PCDH15: variants seen among roughly 807,000 people sequenced by gnomAD.
PCDH15 encodes the protein protocadherin related 15.
Under a neutral mutation model 178.5 loss-of-function variants are expected in PCDH15, and 129 were observed. The observed-to-expected ratio is 0.72, with a 90% CI of 0.63 to 0.84. PCDH15 has a LOEUF of 0.84. Among genes scored for constraint, PCDH15 ranks in the 40% least tolerant of loss-of-function variants. PCDH15 has a pLI of 0.00. For synonymous variants in PCDH15, 800 were observed against 732.0 expected (o/e 1.09, Z -1.50); for missense variants, 2,230 against 2,099.9 (o/e 1.06, Z -1.21).
intron 35 of PCDH15, among the ~76,000 whole-genome samples, chr10:53,813,825 G>A (rs915806589): frequency 2.6e-5 from 4 of 152,104 alleles, no homozygotes; most frequent in African/African-American, 9.7e-5. Flanking sequence ...ACTGACTAAA[G>A]AATATGTTAC....
At chr10:55,472,635 C>A (rs1336914546) in intron 2 of PCDH15, among the ~76,000 whole-genome samples, 9 of 152,208 alleles carry the variant, frequency 5.9e-5, no homozygotes, top group Non-Finnish European at 1.2e-4. Context: ...GTGGCGCGGT[C>A]TGCGCTAACT....
intron 16 of PCDH15, among the ~76,000 whole-genome samples, chr10:54,081,734 T>C (rs1428412423): frequency 6.6e-6 from 1 of 151,780 alleles, no homozygotes; most frequent in Non-Finnish European, 1.5e-5. Flanking sequence ...ACCTTATAAG[T>C]TCACATATTA....
At chr10:55,203,778 A>T (rs1300986433) in intron 1 of PCDH15, among the ~76,000 whole-genome samples, 1 of 152,128 alleles carries the variant, frequency 6.6e-6, no homozygotes, top group Non-Finnish European at 1.5e-5. Context: ...GCCTGGGATA[A>T]AGATGATTTC....
At chr10:55,140,260 T>C (rs1197411222) in intron 2 of PCDH15, among the ~76,000 whole-genome samples, 2 of 151,936 alleles carry the variant, frequency 1.3e-5, no homozygotes, top group Non-Finnish European at 2.9e-5. Flanking sequence ...TTTGGTACTA[T>C]GTTGCATGAA....
chr10:55,168,750 T>C (rs1455870417), intron 1 of PCDH15, among the ~76,000 whole-genome samples: 1 of 152,182 alleles, frequency 6.6e-6, no homozygotes, highest in Non-Finnish European at 1.5e-5. Flanking sequence ...AAGATTATCT[T>C]TTATGTGTAC....
At chr10:54,532,404 T>A (rs764357944) in intron 2 of PCDH15, among the ~76,000 whole-genome samples, 2 of 152,150 alleles carry the variant, frequency 1.3e-5, no homozygotes, top group Non-Finnish European at 2.9e-5. Flanking sequence ...TAGTTTTTGA[T>A]CCCTTGACTA....
At chr10:54,284,903 G>T (rs1333854740) in intron 8 of PCDH15, among the ~76,000 whole-genome samples, 1 of 152,118 alleles carries the variant, frequency 6.6e-6, no homozygotes, top group Non-Finnish European at 1.5e-5. Flanking sequence ...TATCATCTCA[G>T]CATTTTAGTC....
chr10:54,779,065 A>G (rs912526494), intron 1 of PCDH15, among the ~76,000 whole-genome samples: 5 of 152,078 alleles, frequency 3.3e-5, no homozygotes, highest in Non-Finnish European at 7.4e-5. Flanking sequence ...GAGATTAGAG[A>G]TAGAGAATCT....
chr10:53,959,867 T>C (rs2088097582), intron 22 of PCDH15, 23 bp from the exon 23 acceptor site: 2 of 1,570,342 alleles, frequency 1.3e-6, no homozygotes, highest in Admixed American at 1.7e-5. Context: ...TAAAAATTCA[T>C]GTTAAAGATT....
At chr10:55,262,845 T>A (rs1353596222) in intron 1 of PCDH15, among the ~76,000 whole-genome samples, 2 of 152,128 alleles carry the variant, frequency 1.3e-5, no homozygotes, top group Non-Finnish European at 2.9e-5. Context: ...TCTAATTGAA[T>A]TCACTAACAC....
At chr10:55,509,304 A>C (rs990594124) in intron 2 of PCDH15, among the ~76,000 whole-genome samples, 2 of 151,762 alleles carry the variant, frequency 1.3e-5, no homozygotes, top group African/African-American at 4.8e-5. Flanking sequence ...AACAAATATT[A>C]CAGCACATAG....
intron 32 of PCDH15, 94 bp downstream of exon 32, chr10:53,827,299 T>C (rs2076743536): frequency 6.9e-7 from 1 of 1,438,916 alleles, no homozygotes; most frequent in Non-Finnish European, 9.3e-7. Flanking sequence ...ATAGTCCATG[T>C]AGGCATTTCC....
At chr10:54,640,154 T>C (rs945176900) in intron 2 of PCDH15, among the ~76,000 whole-genome samples, 25 of 152,158 alleles carry the variant, frequency 1.6e-4, no homozygotes, top group Admixed American at 1.1e-3. Flanking sequence ...AAATAATTTA[T>C]AGTTAATGTT....
At chr10:54,772,522 C>T (rs917357731) in intron 1 of PCDH15, among the ~76,000 whole-genome samples, 4 of 152,064 alleles carry the variant, frequency 2.6e-5, no homozygotes, top group African/African-American at 9.7e-5. Flanking sequence ...AAAAGCTCAA[C>T]ATCACTGATC....
chr10:54,643,209 G>A (rs1056408394), intron 2 of PCDH15, among the ~76,000 whole-genome samples: 3 of 152,176 alleles, frequency 2.0e-5, no homozygotes, highest in Non-Finnish European at 4.4e-5. Flanking sequence ...ACAGGTGTGA[G>A]CCACCACACC....
chr10:54,106,475 A>G (rs1474190606), intron 15 of PCDH15, among the ~76,000 whole-genome samples: 1 of 152,204 alleles, frequency 6.6e-6, no homozygotes, highest in African/African-American at 2.4e-5. Context: ...ACACACAGGT[A>G]TCTTCCTAAG....
intron 1 of PCDH15, among the ~76,000 whole-genome samples, chr10:54,762,344 G>A (rs1259994013): frequency 5.9e-5 from 9 of 152,054 alleles, no homozygotes; most frequent in African/African-American, 2.2e-4. Context: ...GGTCTAGGCT[G>A]GGTTGAATAT....
chr10:53,880,172 T>C (rs1238254025), intron 26 of PCDH15, among the ~76,000 whole-genome samples: 2 of 152,198 alleles, frequency 1.3e-5, no homozygotes, highest in Non-Finnish European at 2.9e-5. Context: ...AAAATAGGTG[T>C]TATGCATATT....
chr10:54,622,589 T>C (rs2093388546), intron 2 of PCDH15, among the ~76,000 whole-genome samples: 1 of 103,054 alleles, frequency 9.7e-6, no homozygotes, highest in Non-Finnish European at 1.8e-5. Flanking sequence ...ATATAATATA[T>C]ATAATATATA....
Sources: gnomAD v4.1 joint callset for allele counts (sites outside exome capture counted in the v4.1 genomes callset) on GRCh38, gnomAD v4.1.1 for gene constraint, MANE v1.5 for transcripts, NCBI Gene and HGNC (gene_info 2026-07-23, HGNC 2026-07-21) for gene names.